BLCAP: variants seen among roughly 807,000 people sequenced by gnomAD.
BLCAP encodes the protein apoptosis inducing factor BLCAP.
BLCAP carries 1 observed loss-of-function variant against 5.7 expected under a neutral mutation model. That is an observed-to-expected ratio of 0.18 (90% CI 0.06 to 0.83). BLCAP has a LOEUF of 0.83. Among genes scored for constraint, BLCAP ranks in the 40% least tolerant of loss-of-function variants. The probability of loss-of-function intolerance (pLI) is 0.71; values close to 1 mark genes in which losing one functional copy is unlikely to be tolerated. For missense variants in BLCAP, 66 were observed against 107.6 expected (o/e 0.61, Z 1.71); for synonymous variants, 48 against 49.4 (o/e 0.97, Z 0.11).
Position 37,518,769 on chromosome 20 carries a change from T to C in BLCAP, c.*142A>G, listed in dbSNP as rs986056567. On this transcript the variant is annotated 3_prime_UTR_variant, in exon 2 of 2. Coordinates refer to ENST00000373537, the MANE Select transcript of BLCAP (RefSeq NM_006698.4). ...AGTGCCATTATTCACATTGTAAGGA[T>C]AAAACATCACAGGCCAAAAAGGCGC... 9.2e-6 allele frequency: 11 copies of C among 1,189,260 alleles called. No homozygotes were observed. The highest frequency in any genetic ancestry group is 1.3e-5 in the Non-Finnish European group (11 of 850,442). The allele number at this position is 1,189,260 out of a possible 1,614,324, so 73.7% of individuals were successfully genotyped here.
chr20:37,518,813 C>G lies in BLCAP; in HGVS notation c.*98G>C. 1.3e-6 allele frequency: 2 copies of G among 1,507,160 alleles called. No homozygotes were observed. The highest frequency in any genetic ancestry group is 1.8e-6 in the Non-Finnish European group (2 of 1,123,940). The allele number at this position is 1,507,160 out of a possible 1,614,324, so 93.4% of individuals were successfully genotyped here. A position where few individuals can be genotyped will look rare whatever the true frequency, so the allele number is the denominator to read the frequency against. ...AAGGCGCCGTCAGGAATGTGACACC[C>G]GCGAGGCTGCGGGATTTGAAACTCC... On this transcript the variant is annotated 3_prime_UTR_variant, in exon 2 of 2. Coordinates refer to ENST00000373537, the MANE Select transcript of BLCAP (RefSeq NM_006698.4).
rs1363997618 is a variant in BLCAP at position 37,519,344 on chromosome 20, A to T, written c.-170T>A. On this transcript the variant is annotated 5_prime_UTR_variant, in exon 2 of 2. Transcript: ENST00000373537. The stretch of plus-strand genomic sequence containing the variant: ...GTCAGCCCGGGATCACCAAGGCAGC[A>T]GGGATCCTGAAGAGAAAAGTCAACA... The T allele has an allele frequency of 8.4e-6, 4 of 478,110 alleles. No homozygotes were observed. In the Admixed American group the frequency reaches 1.6e-4, roughly 19 times the overall value. 29.6% of individuals were successfully genotyped at this position (478,110 alleles called of 1,614,324 possible).
intron 1 of BLCAP, among the ~76,000 whole-genome samples, chr20:37,527,362 C>A (rs1219774037): frequency 6.6e-6 from 1 of 150,592 alleles, no homozygotes; most frequent in Non-Finnish European, 1.5e-5. Flanking sequence ...CCCCCACCTC[C>A]CCCCCAAAAA....
Position 37,519,621 on chromosome 20 carries a change from G to A in BLCAP, c.-176-271C>T, listed in dbSNP as rs182152621. ...TGGGGGATCGGGGAGAGGGCTCTTTGGCACGGTTTCACACAGTGGGCTGGC... is the reference window on the plus strand; with the variant it reads ...TGGGGGATCGGGGAGAGGGCTCTTTAGCACGGTTTCACACAGTGGGCTGGC... On this transcript the variant is annotated intron_variant, in intron 1 of 1. Coordinates refer to ENST00000373537, the MANE Select transcript of BLCAP (RefSeq NM_006698.4). 3.7e-3 allele frequency among the ~76,000 whole-genome samples: 564 copies of A among 152,298 alleles called. 4 individuals carry two copies. Among genetic ancestry groups the A allele is most frequent in the Middle Eastern group, 0.017 (5 of 294 alleles).
intron 1 of BLCAP, among the ~76,000 whole-genome samples, chr20:37,522,198 T>TA (rs5841264): frequency 0.94 from 136,483 of 144,932 alleles, 64,519 homozygotes; most frequent in Non-Finnish European, 0.99. Flanking sequence ...AAAATAATAA[T>TA]AAAAAAAATA....
intron 1 of BLCAP, among the ~76,000 whole-genome samples, chr20:37,527,373 A>C (rs2071742472): frequency 6.7e-6 from 1 of 149,706 alleles, no homozygotes; most frequent in Non-Finnish European, 1.5e-5. Flanking sequence ...CCCCCAAAAA[A>C]GCAACTAAAG....
chr20:37,521,390 G>A lies in BLCAP; in HGVS notation c.-176-2040C>T, dbSNP rs2071563242. Reference sequence around the variant, plus strand: ...CTCATCATCGGCTGGTACATCTTCCGCGTGCTGCTGCAGGTAAGTCTGACG... The same window carrying A: ...CTCATCATCGGCTGGTACATCTTCCACGTGCTGCTGCAGGTAAGTCTGACG... On this transcript the variant is annotated intron_variant, in intron 1 of 1. Transcript: ENST00000373537. The surrounding 1 kb of genome is among the most constrained non-coding windows in gnomAD (Gnocchi z 4.5). The A allele has an allele frequency of 4.3e-6, 7 of 1,614,090 alleles. No individual in the cohort carries two copies. Among genetic ancestry groups the A allele is most frequent in the Non-Finnish European group, 5.9e-6 (7 of 1,179,964 alleles).
chr20:37,521,656 G>A lies in BLCAP; in HGVS notation c.-176-2306C>T. The A allele has an allele frequency of 2.0e-6, 1 of 510,978 alleles. No homozygotes were observed. The highest frequency in any genetic ancestry group is 3.5e-6 in the Non-Finnish European group (1 of 283,834). The allele number at this position is 510,978 out of a possible 1,614,324, so 31.7% of individuals were successfully genotyped here. On this transcript the variant is annotated intron_variant, in intron 1 of 1. Coordinates refer to ENST00000373537, the MANE Select transcript of BLCAP (RefSeq NM_006698.4). The surrounding 1 kb of genome is among the most constrained non-coding windows in gnomAD (Gnocchi z 4.5). The stretch of plus-strand genomic sequence containing the variant: ...TCGGGGCGCGGCGGGCGACCGCTGC[G>A]GACGATCACCCAGGCATTTAGCGAC...
At chr20:37,527,140 TC>T (rs1309771512) in intron 1 of BLCAP, 3 of 152,172 alleles carry the variant, frequency 2.0e-5, no homozygotes. Flanking sequence ...ATGCTTCCTT[TC>T]CAGGCCATTA....
Position 37,518,168 on chromosome 20 carries a change from G to C in BLCAP, c.*743C>G, listed in dbSNP as rs574327416. 6.6e-6 allele frequency: 1 copy of C among 152,420 alleles called. No homozygotes were observed. The highest frequency in any genetic ancestry group is 1.9e-4 in the East Asian group (1 of 5,186). 9.4% of individuals were successfully genotyped at this position (152,420 alleles called of 1,614,324 possible). ...ATGAGGCCCCCTCCTTGGGACAGTT[G>C]AGAAAGGCAGGAGGAAGGGCAAAGG... On this transcript the variant is annotated 3_prime_UTR_variant, in exon 2 of 2. Coordinates refer to ENST00000373537, the MANE Select transcript of BLCAP (RefSeq NM_006698.4).
At chr20:37,527,708 T>G (rs2071748848) in intron 1 of BLCAP, 85 bp downstream of exon 1, 1 of 152,310 alleles carries the variant, frequency 6.6e-6, no homozygotes, top group East Asian at 1.9e-4. Context: ...CGGCGACGCC[T>G]AAGGTGACCC....
At chr20:37,522,452 G>A (rs1747993374) in intron 1 of BLCAP, 1 of 1,611,128 alleles carries the variant, frequency 6.2e-7, no homozygotes, top group African/African-American at 1.3e-5. Context: ...TACCTAAGTT[G>A]TGGGTCCAAT....
Position 37,519,129 on chromosome 20 carries a change from G to T in BLCAP, c.46C>A (p.Pro16Thr). Reference protein sequence around the residue: ...WLLPVLLIPKPLNPALWFSHS... With the variant: ...WLLPVLLIPKTLNPALWFSHS... The stretch of plus-strand genomic sequence containing the variant: ...CTGAACCACAGGGCGGGGTTGAGGG[G>T]CTTGGGGATGAGGAGGACGGGCAGC... Residue 16 changes from proline to threonine, a missense_variant, in exon 2 of 2, where the codon CCC becomes ACC. Coordinates refer to ENST00000373537, the MANE Select transcript of BLCAP (RefSeq NM_006698.4). 1 of 1,607,696 alleles carries T rather than the reference G, an allele frequency of 6.2e-7. No homozygotes were observed.
chr20:37,519,016 G>A lies in BLCAP; in HGVS notation c.159C>T (p.Ala53=), dbSNP rs2071468315. The A allele has an allele frequency of 1.2e-6, 2 of 1,614,094 alleles. No homozygotes were observed. The highest frequency in any genetic ancestry group is 8.5e-7 in the Non-Finnish European group (1 of 1,180,042). The change falls in exon 2 of 2, where the codon GCC becomes GCT. Residue 53 remains alanine (A), a synonymous_variant. Transcript: ENST00000373537. ...AGCAGCTATAGCAGATAAGGAACAG[G>A]GCTGCCAGGAAAACCAAGGCACAAA... ...CTICALVFLA[A]LFLICYSCWG... is the part of the protein sequence containing the mutation.
intron 1 of BLCAP, chr20:37,522,763 C>T (rs373031829): frequency 2.5e-6 from 4 of 1,593,108 alleles, no homozygotes; most frequent in African/African-American, 1.3e-5. Context: ...CAACTGAGGC[C>T]CCAGCTCCCA....
intron 1 of BLCAP, chr20:37,522,728 T>C (rs1343490545): frequency 1.2e-6 from 2 of 1,610,714 alleles, no homozygotes; most frequent in East Asian, 4.5e-5. Flanking sequence ...CGGCAGGTGT[T>C]GGGGGAGCGC....
chr20:37,525,561 T>G (rs1167262172), intron 1 of BLCAP, among the ~76,000 whole-genome samples: 1 of 152,218 alleles, frequency 6.6e-6, no homozygotes, highest in Non-Finnish European at 1.5e-5. Flanking sequence ...GGCTTCAATG[T>G]GCAATGTCCA....
At position 37,519,346 on chromosome 20, in the gene BLCAP, G is replaced by C. The variant is rs1302728356; in HGVS notation, c.-172C>G. 1.9e-6 allele frequency: 1 copy of C among 517,610 alleles called. No homozygotes were observed. Among genetic ancestry groups the C allele is most frequent in the Admixed American group, 4.0e-5 (1 of 24,720 alleles). The allele number at this position is 517,610 out of a possible 1,614,324, so 32.1% of individuals were successfully genotyped here. A position where few individuals can be genotyped will look rare whatever the true frequency, so the allele number is the denominator to read the frequency against. ...CAGCCCGGGATCACCAAGGCAGCAG[G>C]GATCCTGAAGAGAAAAGTCAACACA... On this transcript the variant is annotated 5_prime_UTR_variant, in exon 2 of 2. Transcript: ENST00000373537.
In BLCAP at chr20:37,521,905, CA is replaced by C. The variant is rs113961648; in HGVS notation, c.-176-2556del. On this transcript the variant is annotated intron_variant, in intron 1 of 1. Transcript: ENST00000373537. This position sits in a 1 kb window ranked among gnomAD's most constrained non-coding sequence, Gnocchi z 4.5. Reference sequence around the variant, plus strand: ...CTCAGAAAAAATAAAAATTACTTCGCAAAAAAAAAAAACCCTACAACGAATT... The same window carrying C: ...CTCAGAAAAAATAAAAATTACTTCGCAAAAAAAAAAACCCTACAACGAATT... Among the ~76,000 whole-genome samples the C allele has an allele frequency of 1.8e-3, 199 of 110,288 alleles. No individual in the cohort carries two copies. The highest frequency in any genetic ancestry group is 0.01 in the South Asian group (34 of 3,364). 72.4% of individuals were successfully genotyped at this position (110,288 alleles called of 152,430 possible). A position where few individuals can be genotyped will look rare whatever the true frequency, so the allele number is the denominator to read the frequency against.
Sources: gnomAD v4.1 joint callset for allele counts (sites outside exome capture counted in the v4.1 genomes callset) on GRCh38, gnomAD v4.1.1 for gene constraint, Gnocchi (gnomAD v3.1) non-coding constraint, MANE v1.5 for transcripts, NCBI Gene and HGNC (gene_info 2026-07-23, HGNC 2026-07-21) for gene names.